GNAQ: variants seen among roughly 807,000 people sequenced by gnomAD.
GNAQ encodes guanine nucleotide-binding protein G(q) subunit alpha.
A neutral mutation model predicts 43.9 loss-of-function variants in GNAQ; 8 were observed. The ratio of observed to expected loss-of-function variants is 0.18; its 90% CI spans 0.11 to 0.33. The LOEUF is 0.33. Ranked by LOEUF, GNAQ falls within the 10% of genes least tolerant of loss-of-function variation. The probability of loss-of-function intolerance (pLI) is 1.00; values close to 1 mark genes in which losing one functional copy is unlikely to be tolerated. For synonymous variants in GNAQ, 155 were observed against 170.7 expected, an observed-to-expected ratio of 0.91 and a Z score of 0.71; for missense variants, 158 against 450.8, an observed-to-expected ratio of 0.35 and a Z score of 5.88.
chr9:77,968,997 G>C (rs1823203992), intron 1 of GNAQ, among the ~76,000 whole-genome samples: 1 of 152,218 alleles, frequency 6.6e-6, no homozygotes, highest in Non-Finnish European at 1.5e-5. Context: ...GCGGAGCCAA[G>C]AGCTTACTCC....
At chr9:77,756,278 C>G (rs552197100) in intron 5 of GNAQ, among the ~76,000 whole-genome samples, 14 of 152,308 alleles carry the variant, frequency 9.2e-5, no homozygotes, top group African/African-American at 3.1e-4. Context: ...TCTAGAGAAC[C>G]CTACTACAAC....
At position 78,008,569 on chromosome 9, in the gene GNAQ, T is replaced by TATTTCATTTC. The variant is rs201289708; in HGVS notation, c.136+22521_136+22530dup. ...TGCAACTTTCACTTAACTATCGATT[T>TATTTCATTTC]ATTTCATTTCATTTCATTTCATTTC... is the stretch of plus-strand genomic sequence containing the variant. On this transcript the variant is annotated intron_variant, in intron 1 of 6. Transcript: ENST00000286548. 8.6e-3 allele frequency among the ~76,000 whole-genome samples: 1,260 copies of TATTTCATTTC among 146,968 alleles called. 4 individuals carry two copies. Among genetic ancestry groups the TATTTCATTTC allele is most frequent in the East Asian group, 0.013 (66 of 5,026 alleles).
At chr9:77,913,471 G>C (rs1828842185) in intron 2 of GNAQ, among the ~76,000 whole-genome samples, 1 of 152,102 alleles carries the variant, frequency 6.6e-6, no homozygotes, top group Non-Finnish European at 1.5e-5. Context: ...CAACTCAATA[G>C]TCACATGCAG....
intron 1 of GNAQ, among the ~76,000 whole-genome samples, chr9:78,012,245 T>TC (rs1264564652): frequency 2.0e-5 from 3 of 151,300 alleles, no homozygotes; most frequent in Non-Finnish European, 3.0e-5. Flanking sequence ...TTTCTTTTTT[T>TC]TTTTTTTTTT....
intron 2 of GNAQ, among the ~76,000 whole-genome samples, chr9:77,830,728 C>G (rs1308657000): frequency 3.3e-5 from 5 of 152,100 alleles, no homozygotes; most frequent in African/African-American, 4.8e-5. Context: ...AGTGTGAAAG[C>G]AACTGCTAGA....
intron 1 of GNAQ, 23 bp downstream of exon 1, chr9:78,031,077 G>C (rs747863602): frequency 6.9e-7 from 1 of 1,440,658 alleles, no homozygotes; most frequent in Non-Finnish European, 9.2e-7. Flanking sequence ...CAGAGGCCCG[G>C]CGGGGCCCCG....
chr9:77,983,419 C>A (rs940369133), intron 1 of GNAQ, among the ~76,000 whole-genome samples: 1 of 152,224 alleles, frequency 6.6e-6, no homozygotes, highest in African/African-American at 2.4e-5. Flanking sequence ...CAGTACCTCA[C>A]CAACCTTTTG....
chr9:77,979,014 C>T (rs1234875040), intron 1 of GNAQ, among the ~76,000 whole-genome samples: 1 of 152,134 alleles, frequency 6.6e-6, no homozygotes. Flanking sequence ...TAGATTGTGC[C>T]ACTGTACTCC....
intron 1 of GNAQ, among the ~76,000 whole-genome samples, chr9:77,992,965 T>C (rs1204502949): frequency 1.3e-5 from 2 of 152,132 alleles, no homozygotes; most frequent in Admixed American, 1.3e-4. Flanking sequence ...AAAGGAAAGA[T>C]GCAGATATTA....
At chr9:77,996,180 GC>G (rs1362704967) in intron 1 of GNAQ, among the ~76,000 whole-genome samples, 1 of 152,176 alleles carries the variant, frequency 6.6e-6, no homozygotes, top group African/African-American at 2.4e-5. Flanking sequence ...ACCTAAAAAT[GC>G]TTTGCTGTTC....
chr9:78,019,900 G>A (rs1205141884), intron 1 of GNAQ, among the ~76,000 whole-genome samples: 1 of 147,922 alleles, frequency 6.8e-6, no homozygotes, highest in Non-Finnish European at 1.5e-5. Flanking sequence ...CTCCAGCCTG[G>A]GTGACAGAGT....
At chr9:78,022,490 A>G (rs1823923006) in intron 1 of GNAQ, among the ~76,000 whole-genome samples, 1 of 152,240 alleles carries the variant, frequency 6.6e-6, no homozygotes, top group African/African-American at 2.4e-5. Flanking sequence ...TATGTAACGA[A>G]TCCAAAATGC....
At chr9:77,793,450 T>C (rs527683794) in intron 5 of GNAQ, among the ~76,000 whole-genome samples, 2 of 152,266 alleles carry the variant, frequency 1.3e-5, no homozygotes, top group South Asian at 2.1e-4. Context: ...CTTGGATATG[T>C]ATTTTAATGG....
chr9:77,904,983 G>A (rs1828680660), intron 2 of GNAQ, among the ~76,000 whole-genome samples: 1 of 152,098 alleles, frequency 6.6e-6, no homozygotes, highest in Admixed American at 6.5e-5. Flanking sequence ...ATAGTCTATT[G>A]TTCAACTAAA....
intron 1 of GNAQ, among the ~76,000 whole-genome samples, chr9:77,939,479 C>T (rs1829283514): frequency 6.6e-6 from 1 of 152,244 alleles, no homozygotes; most frequent in Admixed American, 6.5e-5. Flanking sequence ...CAACCTATTG[C>T]TGACTATAAA....
chr9:77,823,239 T>G (rs1337352427), intron 2 of GNAQ, among the ~76,000 whole-genome samples: 1 of 152,122 alleles, frequency 6.6e-6, no homozygotes, highest in East Asian at 1.9e-4. Context: ...ACGCCTGGCC[T>G]AGAATTTAAG....
chr9:77,718,345 A>C lies in GNAQ; in HGVS notation c.*2978T>G, dbSNP rs578053296. 5.2e-5 allele frequency: 12 copies of C among 232,184 alleles called. No individual in the cohort carries two copies. The South Asian group carries it at 2.2e-3, about 42-fold the overall frequency. The allele number at this position is 232,184 out of a possible 1,614,324, so 14.4% of individuals were successfully genotyped here. A position where few individuals can be genotyped will look rare whatever the true frequency, so the allele number is the denominator to read the frequency against. On this transcript the variant is annotated 3_prime_UTR_variant, in exon 7 of 7. Transcript: ENST00000286548. ...TCCCGCCCCTAGCCCCTTCAATAAAACCCCGAAGAAACAAAAAAGAAAATC... is the reference window on the plus strand; with the variant it reads ...TCCCGCCCCTAGCCCCTTCAATAAACCCCCGAAGAAACAAAAAAGAAAATC...
In GNAQ at chr9:77,718,344, A is replaced by C. The variant is rs1825256397; in HGVS notation, c.*2979T>G. 1 of 232,320 alleles carries C rather than the reference A, an allele frequency of 4.3e-6. No homozygotes were observed. The highest frequency in any genetic ancestry group is 8.5e-6 in the Non-Finnish European group (1 of 117,530). The allele number at this position is 232,320 out of a possible 1,614,324, so 14.4% of individuals were successfully genotyped here. On this transcript the variant is annotated 3_prime_UTR_variant, in exon 7 of 7. Transcript: ENST00000286548. ...GTCCCGCCCCTAGCCCCTTCAATAA[A>C]ACCCCGAAGAAACAAAAAAGAAAAT... is the stretch of plus-strand genomic sequence containing the variant.
chr9:77,783,276 T>C (rs149113169), intron 5 of GNAQ, among the ~76,000 whole-genome samples: 104 of 152,316 alleles, frequency 6.8e-4, no homozygotes, highest in African/African-American at 2.4e-3. Flanking sequence ...TTCTGTTCAA[T>C]CTTGCTGTGA....
Sources: allele counts gnomAD v4.1 joint callset (sites outside exome capture counted in the v4.1 genomes callset), GRCh38; gene constraint gnomAD v4.1.1; transcripts MANE v1.5; gene names NCBI Gene and HGNC (gene_info 2026-07-23, HGNC 2026-07-21).